Variants in RAB9A observed in about 807,000 individuals in gnomAD.
RAB9A encodes the protein ras-related protein Rab-9A.
Under a neutral mutation model 10.3 loss-of-function variants are expected in RAB9A, and 1 was observed. The observed-to-expected ratio is 0.10, with a 90% CI of 0.03 to 0.46. The LOEUF (loss-of-function observed/expected upper bound fraction) is 0.46, where lower values mean the gene tolerates loss of function less well. RAB9A is among the 20% of genes least tolerant of loss of function. The pLI, the probability that RAB9A is intolerant of heterozygous loss-of-function variation, is 0.96. For synonymous variants in RAB9A, 39 were observed against 55.2 expected (o/e 0.71, Z 1.30); for missense variants, 92 against 150.3 (o/e 0.61, Z 2.03).
chrX:13,707,667 T>A (rs1361502177), intron 2 of RAB9A, among the ~76,000 whole-genome samples: 1 of 112,074 alleles, frequency 8.9e-6, no homozygotes, highest in Non-Finnish European at 1.9e-5. Context: ...TAAGGTTTAT[T>A]TCATTCTACC....
chrX:13,702,928 C>T (rs184083267), intron 1 of RAB9A, among the ~76,000 whole-genome samples: 50 of 112,216 alleles, frequency 4.5e-4, no homozygotes, highest in African/African-American at 1.5e-3. Flanking sequence ...CTTTCCCAAT[C>T]GTTCTACCAA....
intron 1 of RAB9A, among the ~76,000 whole-genome samples, chrX:13,693,423 G>T (rs185953380): frequency 1.8e-5 from 2 of 111,942 alleles, no homozygotes; most frequent in Non-Finnish European, 3.8e-5. Flanking sequence ...ATTGGAAGGC[G>T]AGGATGCCTG....
intron 2 of RAB9A, among the ~76,000 whole-genome samples, chrX:13,705,683 CTT>C (rs2046194230): frequency 8.9e-6 from 1 of 111,754 alleles, no homozygotes; most frequent in South Asian, 3.7e-4. Context: ...TCAGTAGAGA[CTT>C]ATTAAAATAC....
intron 1 of RAB9A, among the ~76,000 whole-genome samples, chrX:13,702,354 T>C (rs1449459872): frequency 8.9e-6 from 1 of 111,966 alleles, no homozygotes; most frequent in Non-Finnish European, 1.9e-5. Flanking sequence ...AATCAGACTT[T>C]AGTGAGGGCT....
In RAB9A at chrX:13,709,739, A is replaced by G. The variant is rs2046213674; in HGVS notation, c.*387A>G. 7.9e-6 allele frequency: 1 copy of G among 127,208 alleles called. No homozygotes were observed. Among genetic ancestry groups the G allele is most frequent in the Non-Finnish European group, 1.8e-5 (1 of 55,858 alleles). 10.5% of individuals were successfully genotyped at this position (127,208 alleles called of 1,213,427 possible). A position where few individuals can be genotyped will look rare whatever the true frequency, so the allele number is the denominator to read the frequency against. ...TTTTTATATGTGTATGTTTTTATGCAATTAGCATTGTATTCTTGGTTCAGG... is the reference window on the plus strand; with the variant it reads ...TTTTTATATGTGTATGTTTTTATGCGATTAGCATTGTATTCTTGGTTCAGG... On this transcript the variant is annotated 3_prime_UTR_variant, in exon 3 of 3. Coordinates refer to ENST00000464506, the MANE Select transcript of RAB9A (RefSeq NM_004251.5).
At chrX:13,696,361 G>T (rs1469914383) in intron 1 of RAB9A, among the ~76,000 whole-genome samples, 1 of 110,791 alleles carries the variant, frequency 9.0e-6, no homozygotes, top group African/African-American at 3.3e-5. Flanking sequence ...GTTTGAGGCT[G>T]CAGTGAGCTA....
At chrX:13,702,203 T>A (rs2046177275) in intron 1 of RAB9A, among the ~76,000 whole-genome samples, 1 of 111,743 alleles carries the variant, frequency 8.9e-6, no homozygotes, top group South Asian at 3.8e-4. Flanking sequence ...AGGGCCAGGC[T>A]TCTTTGGCAG....
At chrX:13,695,078 G>A (rs1009579243) in intron 1 of RAB9A, among the ~76,000 whole-genome samples, 1 of 111,955 alleles carries the variant, frequency 8.9e-6, no homozygotes, top group Admixed American at 9.4e-5. Flanking sequence ...GGGACCCCTC[G>A]AGCCTCCGGA....
Position 13,691,024 on chromosome X carries a change from G to A in RAB9A, c.-116+1736G>A, listed in dbSNP as rs182343718. On this transcript the variant is annotated intron_variant, in intron 1 of 2. Coordinates refer to ENST00000464506, the MANE Select transcript of RAB9A (RefSeq NM_004251.5). ...GGAGGCATCTTTGGTTCACACCTGGGGGCAAGGGAGGTGCTGCTGACATCT... is the reference window on the plus strand; with the variant it reads ...GGAGGCATCTTTGGTTCACACCTGGAGGCAAGGGAGGTGCTGCTGACATCT... 3.3e-3 allele frequency among the ~76,000 whole-genome samples: 365 copies of A among 111,665 alleles called. 6 individuals are homozygous for A. Among genetic ancestry groups the A allele is most frequent in the Admixed American group, 0.029 (306 of 10,509 alleles).
At chrX:13,693,612 T>G (rs1353579114) in intron 1 of RAB9A, among the ~76,000 whole-genome samples, 1 of 112,282 alleles carries the variant, frequency 8.9e-6, no homozygotes, top group African/African-American at 3.2e-5. Context: ...CTGTGTGCTC[T>G]GGGTATTTCC....
At chrX:13,701,522 A>G (rs1369338777) in intron 1 of RAB9A, among the ~76,000 whole-genome samples, 4 of 111,846 alleles carry the variant, frequency 3.6e-5, no homozygotes, top group Admixed American at 1.9e-4. Flanking sequence ...TCAGAAATGT[A>G]TGGACATTTC....
At chrX:13,689,744 C>T (rs748976691) in intron 1 of RAB9A, among the ~76,000 whole-genome samples, 2 of 111,674 alleles carry the variant, frequency 1.8e-5, no homozygotes, top group African/African-American at 3.3e-5. Flanking sequence ...TGAAGTTCCA[C>T]CTAGCAGAAC....
intron 1 of RAB9A, among the ~76,000 whole-genome samples, chrX:13,693,578 C>T (rs1037433024): frequency 1.4e-4 from 16 of 111,824 alleles, no homozygotes; most frequent in Admixed American, 1.4e-3. Context: ...CACCATGACT[C>T]TTGGTACTGT....
chrX:13,689,450 C>T (rs1298751284), intron 1 of RAB9A, among the ~76,000 whole-genome samples, 162 bp downstream of exon 1: 2 of 112,246 alleles, frequency 1.8e-5, no homozygotes, highest in African/African-American at 6.5e-5. Flanking sequence ...GGTTGTCTCC[C>T]TGCCTCCTCT....
At chrX:13,692,933 T>G (rs1318387907) in intron 1 of RAB9A, among the ~76,000 whole-genome samples, 3 of 112,408 alleles carry the variant, frequency 2.7e-5, no homozygotes, top group African/African-American at 9.7e-5. Context: ...TCAAAATGAT[T>G]GCTAGTGCAT....
At chrX:13,689,719 G>A (rs1337962794) in intron 1 of RAB9A, among the ~76,000 whole-genome samples, 1 of 111,554 alleles carries the variant, frequency 9.0e-6, no homozygotes, top group Non-Finnish European at 1.9e-5. Flanking sequence ...CCCATGACTT[G>A]ATTTTGGCGA....
chrX:13,699,935 TAC>T (rs1361942702), intron 1 of RAB9A, among the ~76,000 whole-genome samples: 1 of 112,282 alleles, frequency 8.9e-6, no homozygotes, highest in Non-Finnish European at 1.9e-5. Context: ...TTCAGTCACA[TAC>T]ACAGTCATAT....
intron 1 of RAB9A, among the ~76,000 whole-genome samples, chrX:13,700,817 C>T (rs936881460): frequency 2.7e-5 from 3 of 110,559 alleles, no homozygotes; most frequent in Non-Finnish European, 5.7e-5. Flanking sequence ...GTCACCCAGG[C>T]TGGAGTGCAG....
intron 1 of RAB9A, among the ~76,000 whole-genome samples, chrX:13,697,376 T>A (rs1165871775): frequency 8.9e-6 from 1 of 112,360 alleles, no homozygotes; most frequent in Non-Finnish European, 1.9e-5. Context: ...TAATTCCCCA[T>A]GTTCTCATCT....
Sources: gnomAD v4.1 joint callset for allele counts (sites outside exome capture counted in the v4.1 genomes callset) on GRCh38, gnomAD v4.1.1 for gene constraint, MANE v1.5 for transcripts, NCBI Gene and HGNC (gene_info 2026-07-23, HGNC 2026-07-21) for gene names.